The following ADAM19 variants were observed in gnomAD, a reference collection of about 807,000 sequenced individuals.
The protein encoded by ADAM19 is disintegrin and metalloproteinase domain-containing protein 19.
Under a neutral mutation model 114.7 loss-of-function variants are expected in ADAM19, and 65 were observed. The ratio of observed to expected loss-of-function variants is 0.57; its 90% CI spans 0.46 to 0.70. The LOEUF is 0.70. ADAM19 is among the 30% of genes least tolerant of loss of function. The pLI is 0.00. For synonymous variants in ADAM19, 466 were observed against 460.5 expected (o/e 1.01, Z -0.15); for missense variants, 1,063 against 1,204.7 (o/e 0.88, Z 1.74).
intron 3 of ADAM19, among the ~76,000 whole-genome samples, chr5:157,562,140 A>G (rs1418788613): frequency 6.6e-6 from 1 of 152,208 alleles, no homozygotes; most frequent in Non-Finnish European, 1.5e-5. Flanking sequence ...TGGGAAATAA[A>G]CACACTAGGA....
chr5:157,559,105 C>T (rs1403869993), intron 3 of ADAM19, among the ~76,000 whole-genome samples: 3 of 152,110 alleles, frequency 2.0e-5, no homozygotes, highest in Non-Finnish European at 4.4e-5. Flanking sequence ...CTCTAAATGC[C>T]CAAATTCTGC....
intron 9 of ADAM19, 99 bp from the exon 10 acceptor site, chr5:157,507,239 G>A (rs1175914416): frequency 1.2e-5 from 14 of 1,193,372 alleles, no homozygotes; most frequent in Admixed American, 1.9e-5. Context: ...CCCTGGACCC[G>A]CTGACTTTCC....
chr5:157,503,797 G>C (rs1270508583), intron 11 of ADAM19, among the ~76,000 whole-genome samples: 1 of 152,130 alleles, frequency 6.6e-6, no homozygotes, highest in Non-Finnish European at 1.5e-5. Context: ...TTTCATTTTG[G>C]GCCAGTGATC....
At chr5:157,499,725 C>T in intron 12 of ADAM19, 63 bp from the exon 13 acceptor site, 1 of 1,153,562 alleles carries the variant, frequency 8.7e-7, no homozygotes, top group African/African-American at 1.5e-5. Flanking sequence ...ACATTTTCCC[C>T]ACCCTTGCCC....
In ADAM19 at chr5:157,477,796, G is replaced by C; in HGVS notation, c.*3153C>G. 1 of 1,188,758 alleles carries C rather than the reference G, an allele frequency of 8.4e-7. No individual in the cohort carries two copies. Among genetic ancestry groups the C allele is most frequent in the Non-Finnish European group, 1.1e-6 (1 of 897,040 alleles). The allele number at this position is 1,188,758 out of a possible 1,614,324, so 73.6% of individuals were successfully genotyped here. On this transcript the variant is annotated 3_prime_UTR_variant, in exon 23 of 23. Transcript: ENST00000257527. ...AGAGACTTCCAATAAAGATTGGAAAGGCGTATTGCAGGAGGTGGGGAGGGG... is the reference window on the plus strand; with the variant it reads ...AGAGACTTCCAATAAAGATTGGAAACGCGTATTGCAGGAGGTGGGGAGGGG...
chr5:157,505,393 A>G (rs996045380), intron 11 of ADAM19, among the ~76,000 whole-genome samples: 7 of 152,228 alleles, frequency 4.6e-5, no homozygotes, highest in Admixed American at 2.0e-4. Context: ...TAAAAAAGAC[A>G]CATATGGCCA....
chr5:157,544,809 C>T (rs1252214926), intron 3 of ADAM19, among the ~76,000 whole-genome samples: 3 of 152,142 alleles, frequency 2.0e-5, no homozygotes, highest in Non-Finnish European at 2.9e-5. Context: ...TCTCTAGCAA[C>T]CAGTTTTTGG....
At chr5:157,490,959 A>G (rs1221625746) in intron 18 of ADAM19, among the ~76,000 whole-genome samples, 1 of 152,046 alleles carries the variant, frequency 6.6e-6, no homozygotes, top group African/African-American at 2.4e-5. Flanking sequence ...CTCACCCATA[A>G]TCCATAACTT....
rs1755182851 is a variant in ADAM19, at chr5:157,492,007, C to T, written c.1909-95G>A. On this transcript the variant is annotated intron_variant, in intron 16 of 22. Coordinates refer to ENST00000257527, the MANE Select transcript of ADAM19 (RefSeq NM_033274.5). ...TTTGCACTTGGAACATATGAGGACC[C>T]ATGGCCCGGCCTGGTGGCTCACGCC... 1.2e-5 allele frequency: 15 copies of T among 1,209,788 alleles called. No homozygotes were observed. In the South Asian group the frequency reaches 1.9e-4, roughly 15 times the overall value. 74.9% of individuals were successfully genotyped at this position (1,209,788 alleles called of 1,614,324 possible). A position where few individuals can be genotyped will look rare whatever the true frequency, so the allele number is the denominator to read the frequency against.
Position 157,478,509 on chromosome 5 carries a change from G to A in ADAM19, c.*2440C>T, listed in dbSNP as rs11466822. On this transcript the variant is annotated 3_prime_UTR_variant, in exon 23 of 23. Transcript: ENST00000257527. ...ATATTCCCTTTCCCCTTCTGCAATC[G>A]TGCTTTGGAATAAGGTCTCTCCTTC... is the stretch of plus-strand genomic sequence containing the variant. 428,708 of 925,272 alleles carry A rather than the reference G, an allele frequency of 0.46. 100,184 individuals carry two copies. Among genetic ancestry groups the A allele is most frequent in the East Asian group, 0.73 (6,204 of 8,498 alleles). The allele number at this position is 925,272 out of a possible 1,614,324, so 57.3% of individuals were successfully genotyped here. A position where few individuals can be genotyped will look rare whatever the true frequency, so the allele number is the denominator to read the frequency against.
rs11466768 is a variant in ADAM19, at chr5:157,507,386, C to T, written c.906-246G>A. Among the ~76,000 whole-genome samples, 1,070 of 152,370 alleles carry T rather than the reference C, an allele frequency of 7.0e-3. 13 individuals are homozygous for T. Among genetic ancestry groups the T allele is most frequent in the African/African-American group, 0.024 (1,016 of 41,586 alleles). On this transcript the variant is annotated intron_variant, in intron 9 of 22. Transcript: ENST00000257527. ...AAAGAGAGAGAGAAAGGTCGTTTATCTCCCACAATATACCCATAGCTGATT... is the reference window on the plus strand; with the variant it reads ...AAAGAGAGAGAGAAAGGTCGTTTATTTCCCACAATATACCCATAGCTGATT...
rs200356035 is a variant in ADAM19, at chr5:157,540,262, TAA to T, written c.252-2273_252-2272del. Among the ~76,000 whole-genome samples, 399 of 152,314 alleles carry T rather than the reference TAA, an allele frequency of 2.6e-3. 3 individuals carry two copies. The highest frequency in any genetic ancestry group is 9.1e-3 in the African/African-American group (378 of 41,570). ...GCCATGAACTCTCCAGTACATCACTTAAGAGAGGTGGTAAAACGCAATGTGCT... is the reference window on the plus strand; with the variant it reads ...GCCATGAACTCTCCAGTACATCACTTGAGAGGTGGTAAAACGCAATGTGCT... On this transcript the variant is annotated intron_variant, in intron 3 of 22. Transcript: ENST00000257527.
At position 157,519,992 on chromosome 5, in the gene ADAM19, G is replaced by A. The variant is rs370864648; in HGVS notation, c.447C>T (p.Ile149=). 5.0e-6 allele frequency: 8 copies of A among 1,614,156 alleles called. No individual in the cohort carries two copies. The highest frequency in any genetic ancestry group is 4.4e-5 in the South Asian group (4 of 91,084). The change falls in exon 6 of 23, where the codon ATC becomes ATT. Residue 149 remains isoleucine, a synonymous_variant. Coordinates refer to ENST00000257527, the MANE Select transcript of ADAM19 (RefSeq NM_033274.5). ...ITVSSNLSYV[I]EPLPDSKGQH... ...GGCCCTTGCTGTCAGGGAGGGGCTC[G>A]ATGACGTAGCTGAGGTTGCTGCTCA...
chr5:157,497,084 C>G lies in ADAM19; in HGVS notation c.1404G>C (p.Leu468Phe), dbSNP rs376290607. Residue 468 changes from leucine (L) to phenylalanine (F), a missense_variant, in exon 14 of 23, where the codon TTG (leucine) becomes TTC (phenylalanine). This residue lies in a region of ADAM19 where 615 missense variants were observed against 706.3 expected (regional missense o/e 0.87). Coordinates refer to ENST00000257527, the MANE Select transcript of ADAM19 (RefSeq NM_033274.5). ...GCTCGCGGCACAGGGTCCCAGGAGCCAACAGCTGAGCCAAGGAATGAGAGG... is the reference window on the plus strand; with the variant it reads ...GCTCGCGGCACAGGGTCCCAGGAGCGAACAGCTGAGCCAAGGAATGAGAGG... ...HGSCCHQCKLLAPGTLCREQA... is the reference protein window; with the variant it reads ...HGSCCHQCKLFAPGTLCREQA... The G allele has an allele frequency of 6.6e-7, 1 of 1,518,188 alleles. No homozygotes were observed. The allele number at this position is 1,518,188 out of a possible 1,614,324, so 94.0% of individuals were successfully genotyped here. A position where few individuals can be genotyped will look rare whatever the true frequency, so the allele number is the denominator to read the frequency against.
intron 5 of ADAM19, among the ~76,000 whole-genome samples, chr5:157,523,792 C>T (rs553829402): frequency 6.6e-6 from 1 of 152,194 alleles, no homozygotes; most frequent in Admixed American, 6.5e-5. Flanking sequence ...GAGCTGCAGG[C>T]CTGAGTAATT....
At chr5:157,484,543 A>G (rs1754868957) in intron 21 of ADAM19, among the ~76,000 whole-genome samples, 1 of 152,144 alleles carries the variant, frequency 6.6e-6, no homozygotes. Context: ...GAGGGTCACT[A>G]CCACGTATTA....
chr5:157,512,973 A>T (rs1755966285), intron 8 of ADAM19, among the ~76,000 whole-genome samples: 1 of 152,224 alleles, frequency 6.6e-6, no homozygotes, highest in Non-Finnish European at 1.5e-5. Flanking sequence ...AAGGATTCTT[A>T]AACTGGGCTC....
intron 13 of ADAM19, among the ~76,000 whole-genome samples, chr5:157,498,952 A>G (rs1755460182): frequency 6.6e-6 from 1 of 152,014 alleles, no homozygotes; most frequent in South Asian, 2.1e-4. Context: ...AACTCCCTTA[A>G]TTTCAGAATT....
chr5:157,568,841 T>C (rs1362270586), intron 2 of ADAM19: 2 of 152,222 alleles, frequency 1.3e-5, no homozygotes, highest in Admixed American at 1.3e-4. Context: ...CATTCATTTG[T>C]TCATTGAACA....
Sources: gnomAD v4.1 joint callset for allele counts (sites outside exome capture counted in the v4.1 genomes callset) on GRCh38, gnomAD v4.1.1 for gene constraint, gnomAD v4.1.1 regional missense constraint, MANE v1.5 for transcripts, NCBI Gene and HGNC (gene_info 2026-07-23, HGNC 2026-07-21) for gene names.